Variants in ZNF804B observed in about 807,000 individuals in gnomAD.
The protein encoded by ZNF804B is zinc finger 804B.
ZNF804B carries 80 observed loss-of-function variants against 101.4 expected under a neutral mutation model. The observed-to-expected ratio is 0.79, with a 90% confidence interval of 0.66 to 0.95. ZNF804B has a LOEUF of 0.95. ZNF804B is among the 40% of genes least tolerant of loss of function. The pLI, the probability that ZNF804B is intolerant of heterozygous loss-of-function variation, is 0.00. For synonymous variants in ZNF804B, 622 were observed against 558.8 expected, an observed-to-expected ratio of 1.11 and a Z score of -1.59; for missense variants, 1,673 against 1,561.9, an observed-to-expected ratio of 1.07 and a Z score of -1.20.
intron 1 of ZNF804B, among the ~76,000 whole-genome samples, chr7:88,873,541 G>C (rs1791873787): frequency 6.6e-6 from 1 of 152,202 alleles, no homozygotes; most frequent in African/African-American, 2.4e-5. Context: ...TGAAGTCCTT[G>C]CCCATGCCTA....
At chr7:88,840,632 T>C (rs929122770) in intron 1 of ZNF804B, among the ~76,000 whole-genome samples, 3 of 152,164 alleles carry the variant, frequency 2.0e-5, no homozygotes, top group Non-Finnish European at 2.9e-5. Context: ...TAAACCATTT[T>C]CTATCAGATT....
In ZNF804B at chr7:89,291,983, T is replaced by G. The variant is rs534890480; in HGVS notation, c.250-35361T>G. Among the ~76,000 whole-genome samples, 22 of 152,174 alleles carry G rather than the reference T, an allele frequency of 1.4e-4. 1 individual carries two copies. The East Asian group carries it at 3.9e-3, about 27-fold the overall frequency. ...TGACGAGAAAGACAGGCATAAGATA[T>G]TTAAAGTGCTGAAAGAAAAACAAAA... On this transcript the variant is annotated intron_variant, in intron 2 of 3. Transcript: ENST00000333190.
intron 1 of ZNF804B, among the ~76,000 whole-genome samples, chr7:89,208,207 G>A (rs34018459): frequency 0.12 from 18,532 of 149,804 alleles, 1,218 homozygotes; most frequent in Middle Eastern, 0.25. Context: ...TCAGCCTCCC[G>A]AGTAGCTGGG....
chr7:88,984,442 G>A (rs1455452148), intron 1 of ZNF804B, among the ~76,000 whole-genome samples: 1 of 151,758 alleles, frequency 6.6e-6, no homozygotes, highest in East Asian at 1.9e-4. Flanking sequence ...CTCAGACCTG[G>A]GGCAGCACTG....
chr7:89,144,369 A>G (rs957906703), intron 1 of ZNF804B, among the ~76,000 whole-genome samples: 1 of 152,152 alleles, frequency 6.6e-6, no homozygotes, highest in East Asian at 1.9e-4. Flanking sequence ...CTAGCATGGA[A>G]TTTGATCTTA....
chr7:88,803,785 T>C (rs372381520), intron 1 of ZNF804B, among the ~76,000 whole-genome samples: 5 of 152,080 alleles, frequency 3.3e-5, no homozygotes, highest in African/African-American at 7.2e-5. Flanking sequence ...TCTGGACTTA[T>C]GATGAAAATT....
chr7:89,238,764 A>C (rs1789319967), intron 2 of ZNF804B, among the ~76,000 whole-genome samples: 1 of 152,184 alleles, frequency 6.6e-6, no homozygotes, highest in African/African-American at 2.4e-5. Context: ...GCACACATTA[A>C]GGAACTAGTG....
At chr7:89,012,768 TG>T (rs1788484438) in intron 1 of ZNF804B, among the ~76,000 whole-genome samples, 1 of 152,230 alleles carries the variant, frequency 6.6e-6, no homozygotes, top group Non-Finnish European at 1.5e-5. Flanking sequence ...TACCCAGTTC[TG>T]AAGTCACTTC....
intron 2 of ZNF804B, among the ~76,000 whole-genome samples, chr7:89,285,471 C>T (rs1248038030): frequency 1.5e-3 from 186 of 126,644 alleles, no homozygotes; most frequent in Middle Eastern, 0.01. Context: ...TGCAGTGAGC[C>T]GAGATCATGC....
In ZNF804B at chr7:89,146,719, G is replaced by C. The variant is rs191957719; in HGVS notation, c.109-71436G>C. 1.3e-4 allele frequency among the ~76,000 whole-genome samples: 19 copies of C among 151,926 alleles called. No individual in the cohort carries two copies. The East Asian group carries it at 3.7e-3, about 30-fold the overall frequency. On this transcript the variant is annotated intron_variant, in intron 1 of 3. Transcript: ENST00000333190. ...AAGAACTTTATGTAAATTAAATTAA[G>C]ATATTAAAAATTAATAAGATAATTG... is the stretch of plus-strand genomic sequence containing the variant.
intron 1 of ZNF804B, among the ~76,000 whole-genome samples, chr7:89,067,137 A>G (rs1326188496): frequency 1.3e-5 from 2 of 152,172 alleles, no homozygotes; most frequent in Non-Finnish European, 2.9e-5. Context: ...CTATCTGTCT[A>G]CCAACCTACC....
chr7:88,863,122 A>G (rs1791674921), intron 1 of ZNF804B, among the ~76,000 whole-genome samples: 1 of 152,168 alleles, frequency 6.6e-6, no homozygotes, highest in Admixed American at 6.5e-5. Context: ...ACTATGCTAC[A>G]GCAACACTTG....
intron 2 of ZNF804B, among the ~76,000 whole-genome samples, chr7:89,319,253 C>T (rs1241915211): frequency 6.6e-6 from 1 of 152,074 alleles, no homozygotes; most frequent in Non-Finnish European, 1.5e-5. Context: ...TCCCAACACT[C>T]CATCTCAAAA....
At chr7:88,947,685 A>T (rs1204658858) in intron 1 of ZNF804B, among the ~76,000 whole-genome samples, 2 of 151,936 alleles carry the variant, frequency 1.3e-5, no homozygotes, top group Admixed American at 1.3e-4. Flanking sequence ...AAGAAAAAAA[A>T]ACTTAAAAGA....
At chr7:89,228,117 GATGTTCGGAT>G (rs1342346097) in intron 2 of ZNF804B, among the ~76,000 whole-genome samples, 1 of 152,054 alleles carries the variant, frequency 6.6e-6, no homozygotes, top group Non-Finnish European at 1.5e-5. Context: ...TGTTCCTTCT[GATGTTCGGAT>G]GTGTTTGGAG....
chr7:88,852,317 T>C (rs946844612), intron 1 of ZNF804B, among the ~76,000 whole-genome samples: 2 of 152,104 alleles, frequency 1.3e-5, no homozygotes, highest in Admixed American at 1.3e-4. Flanking sequence ...ATGGTCAGAA[T>C]AGTTGGTATT....
At chr7:88,823,620 G>C (rs935405214) in intron 1 of ZNF804B, among the ~76,000 whole-genome samples, 17 of 152,048 alleles carry the variant, frequency 1.1e-4, no homozygotes, top group African/African-American at 4.1e-4. Context: ...GAATGGCAGT[G>C]GTTTCCAGTG....
At position 89,335,644 on chromosome 7, in the gene ZNF804B, C is replaced by A; in HGVS notation, c.2662C>A (p.Pro888Thr). The stretch of plus-strand genomic sequence containing the variant: ...CATTTGTGATCTGGGAAAAGTCAGG[C>A]CCATGAAGTGTAACTCCGGGAATAT... ...PHICDLGKVR[P>T]MKCNSGNISC... Residue 888 changes from proline (P) to threonine (T), a missense_variant, in exon 4 of 4, where the codon CCC becomes ACC. Transcript: ENST00000333190. 1 of 1,613,942 alleles carries A rather than the reference C, an allele frequency of 6.2e-7. No individual in the cohort carries two copies. Among genetic ancestry groups the A allele is most frequent in the Non-Finnish European group, 8.5e-7 (1 of 1,179,956 alleles).
At chr7:88,961,354 G>A (rs1301794052) in intron 1 of ZNF804B, among the ~76,000 whole-genome samples, 1 of 151,194 alleles carries the variant, frequency 6.6e-6, no homozygotes, top group Non-Finnish European at 1.5e-5. Flanking sequence ...TAACGTGGTT[G>A]TTTGCTGGTG....
Sources: gnomAD v4.1 joint callset for allele counts (sites outside exome capture counted in the v4.1 genomes callset) on GRCh38, gnomAD v4.1.1 for gene constraint, MANE v1.5 for transcripts, NCBI Gene and HGNC (gene_info 2026-07-23, HGNC 2026-07-21) for gene names.